Variants in GRIN2C observed in about 807,000 individuals in gnomAD.
GRIN2C encodes the protein glutamate ionotropic receptor NMDA type subunit 2C.
GRIN2C carries 64 observed loss-of-function variants against 77.7 expected under a neutral mutation model. The ratio of observed to expected loss-of-function variants is 0.82; its 90% CI spans 0.67 to 1.01. The LOEUF (loss-of-function observed/expected upper bound fraction) is 1.01, where lower values mean the gene tolerates loss of function less well. Ranked by LOEUF, GRIN2C falls within the 50% of genes least tolerant of loss-of-function variation. GRIN2C has a pLI of 0.00. For missense variants in GRIN2C, 1,549 were observed against 1,486.0 expected, an observed-to-expected ratio of 1.04 and a Z score of -0.70; for synonymous variants, 792 against 643.4, an observed-to-expected ratio of 1.23 and a Z score of -3.49.
Position 74,847,258 on chromosome 17 carries a change from T to TCCCC in GRIN2C, c.2001+46_2001+49dup. ...CCAGGGCCTGCCCACTCACGGCCTG[T>TCCCC]CCCCACCCTCAGTGCCCCCCCCCAC... On this transcript the variant is annotated intron_variant, in intron 9 of 12. Coordinates refer to ENST00000293190, the MANE Select transcript of GRIN2C (RefSeq NM_000835.6). This position sits in a 1 kb window ranked among gnomAD's most constrained non-coding sequence, Gnocchi z 5.2. The TCCCC allele has an allele frequency of 1.1e-6, 1 of 925,882 alleles. No individual in the cohort carries two copies. Among genetic ancestry groups the TCCCC allele is most frequent in the East Asian group, 2.8e-5 (1 of 35,612 alleles). 57.4% of individuals were successfully genotyped at this position (925,882 alleles called of 1,614,324 possible).
At chr17:74,855,204 A>G (rs1049648018) in intron 1 of GRIN2C, 97 bp from the exon 2 acceptor site, 1 of 999,402 alleles carries the variant, frequency 1.0e-6, no homozygotes, top group African/African-American at 1.6e-5. Context: ...CATACGGAAG[A>G]TGAAAGAGAA....
chr17:74,852,976 T>G, intron 2 of GRIN2C: 2 of 206,724 alleles, frequency 9.7e-6, no homozygotes, highest in Non-Finnish European at 1.9e-5. Flanking sequence ...TTGAGCCCGC[T>G]AGACTGAGAA....
Position 74,852,385 on chromosome 17 carries a change from C to A in GRIN2C, c.626G>T (p.Arg209Leu). 6.9e-7 allele frequency: 1 copy of A among 1,442,352 alleles called. No individual in the cohort carries two copies. The highest frequency in any genetic ancestry group is 9.0e-7 in the Non-Finnish European group (1 of 1,106,392). 89.3% of individuals were successfully genotyped at this position (1,442,352 alleles called of 1,614,324 possible). A position where few individuals can be genotyped will look rare whatever the true frequency, so the allele number is the denominator to read the frequency against. Residue 209 changes from arginine to leucine, a missense_variant, in exon 3 of 13, where the codon CGC becomes CTC. Physicochemically the swap from Arg to Leu is moderately radical, Grantham distance 102. This residue lies in a region of GRIN2C where 382 missense variants were observed against 360.0 expected (regional missense o/e 1.06). Transcript: ENST00000293190. ...GCGCAGCAGGCGCTGCGTGCGCGCG[C>A]GCGGCCCTCCCGGGCCCAGCTCCAG... ...VTLELGPGGP[R>L]ARTQRLLRQL...
Position 74,850,650 on chromosome 17 carries a change from G to C in GRIN2C, c.1231C>G (p.Arg411Gly). Residue 411 changes from arginine to glycine, a missense_variant, in exon 5 of 13, where the codon CGG (arginine) becomes GGG (glycine). By Grantham distance (125) the Arg-to-Gly change is moderately radical. Coordinates refer to ENST00000293190, the MANE Select transcript of GRIN2C (RefSeq NM_000835.6). This position sits in a 1 kb window ranked among gnomAD's most constrained non-coding sequence, Gnocchi z 5.3. ...GGGCTCTCCACGATGACAAAGGGCC[G>C]CTCTTCCAGCGTGGCCACCGTCAGG... ...RHLTVATLEE[R>G]PFVIVESPDP... 1 of 1,613,600 alleles carries C rather than the reference G, an allele frequency of 6.2e-7. No individual in the cohort carries two copies.
At position 74,851,589 on chromosome 17, in the gene GRIN2C, G is replaced by A. The variant is rs2037644230; in HGVS notation, c.1101C>T (p.Arg367=). The A allele has an allele frequency of 6.4e-7, 1 of 1,554,780 alleles. No homozygotes were observed. Among genetic ancestry groups the A allele is most frequent in the East Asian group, 2.4e-5 (1 of 41,766 alleles). The change falls in exon 4 of 13, where the codon CGC becomes CGT. Residue 367 remains arginine, a synonymous_variant. Coordinates refer to ENST00000293190, the MANE Select transcript of GRIN2C (RefSeq NM_000835.6). ...TMVVIALNRH[R]LWEMVGRWEH... Reference sequence around the variant, plus strand: ...ACCCCCTTCTCACCATCTCCCAGAGGCGGTGCCGGTTGAGGGCGATCACCA... The same window carrying A: ...ACCCCCTTCTCACCATCTCCCAGAGACGGTGCCGGTTGAGGGCGATCACCA...
At chr17:74,848,389 A>G (rs553588328) in intron 7 of GRIN2C, among the ~76,000 whole-genome samples, 1 of 152,372 alleles carries the variant, frequency 6.6e-6, no homozygotes, top group East Asian at 1.9e-4. Flanking sequence ...CAGGCCTCAG[A>G]CAAGACTGTT....
rs1268950724 is a variant in GRIN2C at position 74,842,845 on chromosome 17, C to A, written c.3292G>T (p.Ala1098Ser). 3.4e-6 allele frequency: 2 copies of A among 588,322 alleles called. No individual in the cohort carries two copies. The highest frequency in any genetic ancestry group is 4.1e-5 in the South Asian group (2 of 48,964). The allele number at this position is 588,322 out of a possible 1,614,324, so 36.4% of individuals were successfully genotyped here. A position where few individuals can be genotyped will look rare whatever the true frequency, so the allele number is the denominator to read the frequency against. ...GCGCAGGCGGGGCCGGTGCACCCAG[C>A]GGGCAGCGAGCTGGGCCGAGCGAAG... ...EAFARPSSLP[A>S]GCTGPACARP... The change falls in exon 13 of 13, where the codon GCT (alanine) becomes TCT (serine). Residue 1098 changes from alanine to serine, a missense_variant. Physicochemically the swap from Ala to Ser is moderately conservative, Grantham distance 99 (BLOSUM62 1). This residue lies in a region of GRIN2C where 450 missense variants were observed against 267.9 expected (regional missense o/e 1.68). Coordinates refer to ENST00000293190, the MANE Select transcript of GRIN2C (RefSeq NM_000835.6).
At chr17:74,859,941 C>A (rs1486359591), upstream of GRIN2C, 15 of 162,762 alleles carry the variant, frequency 9.2e-5, 1 homozygote, top group Admixed American at 3.9e-4. This position sits in a 1 kb window ranked among gnomAD's most constrained non-coding sequence, Gnocchi z 5.9. Context: ...CGCCTCCTGG[C>A]GGCCAAGCTG....
chr17:74,850,282 G>A lies in GRIN2C; in HGVS notation c.1415C>T (p.Ser472Phe). ...GTTGGTCACCAGGTACAGGTCGTAG[G>A]AGAATTTGACCACTCTGGCCAGCTT... ...LKKLARVVKF[S>F]YDLYLVTNGK... Residue 472 changes from serine (S) to phenylalanine (F), a missense_variant, in exon 6 of 13, where the codon TCC (serine) becomes TTC (phenylalanine). Ser to Phe is a radical substitution (Grantham distance 155, BLOSUM62 -2). Coordinates refer to ENST00000293190, the MANE Select transcript of GRIN2C (RefSeq NM_000835.6). This position sits in a 1 kb window ranked among gnomAD's most constrained non-coding sequence, Gnocchi z 5.3. The A allele has an allele frequency of 6.2e-7, 1 of 1,613,928 alleles. No homozygotes were observed. The highest frequency in any genetic ancestry group is 1.3e-5 in the African/African-American group (1 of 75,044).
In GRIN2C at chr17:74,859,126, G is replaced by T. The variant is rs1280776564; in HGVS notation, c.-16+618C>A. The stretch of plus-strand genomic sequence containing the variant: ...AACACCCTGCCCCACACTGGACTGC[G>T]GGCTCCTTGAGGGCAGACACATTGT... On this transcript the variant is annotated intron_variant, in intron 1 of 12. Transcript: ENST00000293190. The surrounding 1 kb of genome is among the most constrained non-coding windows in gnomAD (Gnocchi z 5.9). Among the ~76,000 whole-genome samples the T allele has an allele frequency of 1.3e-5, 2 of 152,128 alleles. No homozygotes were observed. The highest frequency in any genetic ancestry group is 2.9e-5 in the Non-Finnish European group (2 of 68,010).
Position 74,852,636 on chromosome 17 carries a change from G to A in GRIN2C, c.400-25C>T, listed in dbSNP as rs1390737723. On this transcript the variant is annotated intron_variant, in intron 2 of 12. Transcript: ENST00000293190. ...CCTGGGGGCGGGCGGGGCCTGAGCG[G>A]GGCGGGAGGGCCGAGCCCCTCCTCC... is the stretch of plus-strand genomic sequence containing the variant. 26 of 973,996 alleles carry A rather than the reference G, an allele frequency of 2.7e-5. No individual in the cohort carries two copies. The Admixed American group carries it at 3.1e-4, about 12-fold the overall frequency. The allele number at this position is 973,996 out of a possible 1,614,324, so 60.3% of individuals were successfully genotyped here.
At position 74,859,175 on chromosome 17, in the gene GRIN2C, C is replaced by T. The variant is rs1468981482; in HGVS notation, c.-16+569G>A. Reference sequence around the variant, plus strand: ...GTCTCAGAGACCTCTGCCCACCCACCCACTCAGGGTCTCACCCCTTCCACA... The same window carrying T: ...GTCTCAGAGACCTCTGCCCACCCACTCACTCAGGGTCTCACCCCTTCCACA... On this transcript the variant is annotated intron_variant, in intron 1 of 12. Transcript: ENST00000293190. This position sits in a 1 kb window ranked among gnomAD's most constrained non-coding sequence, Gnocchi z 5.9. 1.3e-5 allele frequency among the ~76,000 whole-genome samples: 2 copies of T among 152,206 alleles called. No homozygotes were observed. The highest frequency in any genetic ancestry group is 3.8e-4 in the East Asian group (2 of 5,200).
In GRIN2C at chr17:74,847,814, C is replaced by T. The variant is rs745849557; in HGVS notation, c.1771+38G>A. On this transcript the variant is annotated intron_variant, in intron 8 of 12. Coordinates refer to ENST00000293190, the MANE Select transcript of GRIN2C (RefSeq NM_000835.6). This position sits in a 1 kb window ranked among gnomAD's most constrained non-coding sequence, Gnocchi z 5.2. ...CCCTGAGCCCAGCCCTCAGGGTGCC[C>T]AGGCCCACCCCTCCTGCCGGGCCCA... is the stretch of plus-strand genomic sequence containing the variant. 7 of 1,611,878 alleles carry T rather than the reference C, an allele frequency of 4.3e-6. No individual in the cohort carries two copies. In the South Asian group the frequency reaches 5.5e-5, roughly 13 times the overall value.
Position 74,846,967 on chromosome 17 carries a change from C to G in GRIN2C, c.2002-47G>C, listed in dbSNP as rs1341169654. 1 of 1,572,964 alleles carries G rather than the reference C, an allele frequency of 6.4e-7. No individual in the cohort carries two copies. The highest frequency in any genetic ancestry group is 8.6e-7 in the Non-Finnish European group (1 of 1,158,532). ...CAGTCACAACCCTTCCTCCAGCCTT[C>G]CAGGCACCAAAGCCCCAAACCCACC... On this transcript the variant is annotated intron_variant, in intron 9 of 12. Coordinates refer to ENST00000293190, the MANE Select transcript of GRIN2C (RefSeq NM_000835.6). This position sits in a 1 kb window ranked among gnomAD's most constrained non-coding sequence, Gnocchi z 4.4.
upstream of GRIN2C, among the ~76,000 whole-genome samples, chr17:74,860,053 A>G (rs2037917299): frequency 6.7e-6 from 1 of 148,574 alleles, no homozygotes; most frequent in African/African-American, 2.5e-5. Flanking sequence ...CGTGACCCCG[A>G]GTCCCGCAGT....
At position 74,845,149 on chromosome 17, in the gene GRIN2C, C is replaced by T. The variant is rs140442632; in HGVS notation, c.2351-641G>A. On this transcript the variant is annotated intron_variant, in intron 11 of 12. Transcript: ENST00000293190. ...ATCCCCATGTTGTCCAAGCTGATCC[C>T]GATCTCCTAGACTTAAGCAATCCTC... 2.3e-3 allele frequency among the ~76,000 whole-genome samples: 350 copies of T among 152,196 alleles called. 1 individual carries two copies. Among genetic ancestry groups the T allele is most frequent in the Middle Eastern group, 6.8e-3 (2 of 294 alleles).
chr17:74,852,479 AGAGCGCGT>A lies in GRIN2C; in HGVS notation c.524_531del (p.His175LeufsTer243). On this transcript the variant is annotated frameshift_variant, in exon 3 of 13. Transcript: ENST00000293190. LOFTEE classifies it high-confidence loss of function. ...GCGACGGCGCGCACGCCCTCCAGGA[AGAGCGCGT>A]GGCCCGGGTGCAGGCTGGTGATGAC... is the stretch of plus-strand genomic sequence containing the variant. 1 of 1,563,274 alleles carries A rather than the reference AGAGCGCGT, an allele frequency of 6.4e-7. No individual in the cohort carries two copies. Among genetic ancestry groups the A allele is most frequent in the Admixed American group, 1.8e-5 (1 of 55,796 alleles).
rs2037479550 is a variant in GRIN2C, at chr17:74,847,044, A to T, written c.2002-124T>A. 3 of 1,000,838 alleles carry T rather than the reference A, an allele frequency of 3.0e-6. No homozygotes were observed. The highest frequency in any genetic ancestry group is 1.6e-5 in the African/African-American group (1 of 61,872). 62.0% of individuals were successfully genotyped at this position (1,000,838 alleles called of 1,614,324 possible). ...GCATAGTCAGAGCAGAAGGTCTTAA[A>T]GGCTGTCCAGGCCACTCCTGTGTTT... On this transcript the variant is annotated intron_variant, in intron 9 of 12. Transcript: ENST00000293190. This position sits in a 1 kb window ranked among gnomAD's most constrained non-coding sequence, Gnocchi z 5.2.
chr17:74,855,026 G>C lies in GRIN2C; in HGVS notation c.67C>G (p.Pro23Ala). The C allele has an allele frequency of 6.2e-7, 1 of 1,601,904 alleles. No homozygotes were observed. The highest frequency in any genetic ancestry group is 8.5e-7 in the Non-Finnish European group (1 of 1,179,222). Reference protein sequence around the residue: ...SLFGAWAGLGPGQGEQGMTVA... With the variant: ...SLFGAWAGLGAGQGEQGMTVA... ...GTCATGCCCTGCTCGCCCTGCCCCG[G>C]ACCCAGCCCTGCCCAGGCACCGAAG... The change falls in exon 2 of 13, where the codon CCG (proline) becomes GCG (alanine). Residue 23 changes from proline (P) to alanine (A), a missense_variant. Pro to Ala is a conservative substitution (Grantham distance 27). This residue lies in a region of GRIN2C where 382 missense variants were observed against 360.0 expected (regional missense o/e 1.06). Transcript: ENST00000293190.
Sources: gnomAD v4.1 joint callset for allele counts (sites outside exome capture counted in the v4.1 genomes callset) on GRCh38, gnomAD v4.1.1 for gene constraint, gnomAD v4.1.1 regional missense constraint, Gnocchi (gnomAD v3.1) non-coding constraint, MANE v1.5 for transcripts, NCBI Gene and HGNC (gene_info 2026-07-23, HGNC 2026-07-21) for gene names.